The following PTPRG variants were observed in gnomAD, a reference collection of about 807,000 sequenced individuals.
PTPRG encodes receptor-type tyrosine-protein phosphatase gamma.
A neutral mutation model predicts 165.3 loss-of-function variants in PTPRG; 102 were observed. The observed-to-expected ratio is 0.62, with a 90% confidence interval of 0.53 to 0.73. The LOEUF (loss-of-function observed/expected upper bound fraction) is 0.73. PTPRG is among the 30% of genes least tolerant of loss of function. The pLI is 0.00. For synonymous variants in PTPRG, 675 were observed against 669.5 expected, an observed-to-expected ratio of 1.01 and a Z score of -0.13; for missense variants, 1,866 against 1,861.4, an observed-to-expected ratio of 1.00 and a Z score of -0.05.
chr3:61,874,575 C>G (rs181367399), intron 2 of PTPRG, among the ~76,000 whole-genome samples: 1 of 151,820 alleles, frequency 6.6e-6, no homozygotes, highest in Non-Finnish European at 1.5e-5. Context: ...AGAAATTGAT[C>G]TAGGACAGAG....
chr3:61,851,019 C>T lies in PTPRG; in HGVS notation c.190+102037C>T, dbSNP rs145059378. On this transcript the variant is annotated intron_variant, in intron 2 of 29. Coordinates refer to ENST00000474889, the MANE Select transcript of PTPRG (RefSeq NM_002841.4). ...TTAGGTAAGATTCTTAGAATGTTAA[C>T]GGTAACTCTCCCTCTTTTTGCCTGT... 2.8e-3 allele frequency among the ~76,000 whole-genome samples: 420 copies of T among 152,328 alleles called. 1 individual carries two copies. Among genetic ancestry groups the T allele is most frequent in the African/African-American group, 6.8e-3 (284 of 41,578 alleles).
intron 6 of PTPRG, among the ~76,000 whole-genome samples, chr3:62,141,215 T>A (rs1703913575): frequency 6.6e-6 from 1 of 152,096 alleles, no homozygotes; most frequent in African/African-American, 2.4e-5. Flanking sequence ...ACTGATATGA[T>A]CACTCTTTAG....
intron 6 of PTPRG, among the ~76,000 whole-genome samples, chr3:62,138,782 G>A (rs574470700): frequency 1.3e-4 from 19 of 150,522 alleles, no homozygotes; most frequent in East Asian, 7.9e-4. Context: ...TCGTCCTTTC[G>A]GCTAAGATCG....
chr3:62,013,018 A>C (rs1468555605), intron 4 of PTPRG, among the ~76,000 whole-genome samples: 1 of 152,184 alleles, frequency 6.6e-6, no homozygotes, highest in African/African-American at 2.4e-5. Flanking sequence ...TTAAATTTTC[A>C]GAAGCCTCCT....
At chr3:61,775,940 G>A (rs532333537) in intron 2 of PTPRG, among the ~76,000 whole-genome samples, 3 of 150,046 alleles carry the variant, frequency 2.0e-5, no homozygotes, top group Admixed American at 6.7e-5. Context: ...GGTAGGGGGA[G>A]GGGGGAGGGA....
At chr3:61,668,546 G>A (rs553998774) in intron 1 of PTPRG, among the ~76,000 whole-genome samples, 1 of 152,296 alleles carries the variant, frequency 6.6e-6, no homozygotes, top group South Asian at 2.1e-4. Flanking sequence ...TTATAACACA[G>A]CAACTCAAGG....
At chr3:62,200,295 A>G (rs1165330490) in intron 10 of PTPRG, among the ~76,000 whole-genome samples, 1 of 151,776 alleles carries the variant, frequency 6.6e-6, no homozygotes, top group Non-Finnish European at 1.5e-5. Flanking sequence ...TTTTTGAGAC[A>G]AAGTCTTGCT....
At chr3:61,998,784 A>G (rs1363926737) in intron 3 of PTPRG, among the ~76,000 whole-genome samples, 1 of 152,220 alleles carries the variant, frequency 6.6e-6, no homozygotes, top group Non-Finnish European at 1.5e-5. Flanking sequence ...AATCACAGCA[A>G]GGATAGTTCT....
chr3:61,767,280 AT>A (rs139522785), intron 2 of PTPRG, among the ~76,000 whole-genome samples: 8 of 145,462 alleles, frequency 5.5e-5, no homozygotes, highest in African/African-American at 1.3e-4. Context: ...ATCAAACTCC[AT>A]TTTTTTAACT....
chr3:61,896,139 C>G (rs1424309974), intron 2 of PTPRG, among the ~76,000 whole-genome samples: 1 of 151,966 alleles, frequency 6.6e-6, no homozygotes, highest in Admixed American at 6.6e-5. Flanking sequence ...ATCCACTATC[C>G]CAGTCAAGAT....
At chr3:62,289,462 G>C (rs1444159037) in intron 28 of PTPRG, among the ~76,000 whole-genome samples, 1 of 152,050 alleles carries the variant, frequency 6.6e-6, no homozygotes, top group Non-Finnish European at 1.5e-5. Context: ...AAATGTATAG[G>C]CCAAGTCTTG....
chr3:61,985,563 G>T (rs894558524), intron 2 of PTPRG, among the ~76,000 whole-genome samples: 3 of 152,180 alleles, frequency 2.0e-5, no homozygotes, highest in Non-Finnish European at 4.4e-5. Flanking sequence ...CAGAGGAGGG[G>T]CTGTGAGCCA....
At chr3:62,289,698 T>TCCCC (rs555266393) in intron 28 of PTPRG, among the ~76,000 whole-genome samples, 1 of 108,308 alleles carries the variant, frequency 9.2e-6, no homozygotes, top group Admixed American at 9.8e-5. Context: ...CCATTCATGA[T>TCCCC]CCCCCCCCCC....
chr3:62,244,281 G>C (rs1241159897), intron 15 of PTPRG, among the ~76,000 whole-genome samples: 1 of 152,204 alleles, frequency 6.6e-6, no homozygotes, highest in Non-Finnish European at 1.5e-5. Flanking sequence ...TACGATGGTT[G>C]TGTGGAAATA....
chr3:61,832,024 C>T (rs1354653638), intron 2 of PTPRG, among the ~76,000 whole-genome samples: 1 of 152,084 alleles, frequency 6.6e-6, no homozygotes, highest in East Asian at 1.9e-4. Context: ...TTCATTTATA[C>T]ATGGATTTAT....
Position 62,180,625 on chromosome 3 carries a change from A to G in PTPRG, c.1034-10844A>G, listed in dbSNP as rs1705608597. The stretch of plus-strand genomic sequence containing the variant: ...ATGTACCCCAGGGTACATGGAATCC[A>G]GCCTTCCACCCAGCGTCCAAGATGC... On this transcript the variant is annotated intron_variant, in intron 8 of 29. Transcript: ENST00000474889. Among the ~76,000 whole-genome samples, 2 of 152,230 alleles carry G rather than the reference A, an allele frequency of 1.3e-5. 1 individual carries two copies. The highest frequency in any genetic ancestry group is 2.9e-5 in the Non-Finnish European group (2 of 68,048).
At chr3:62,022,000 T>C (rs1284642113) in intron 4 of PTPRG, among the ~76,000 whole-genome samples, 2 of 152,118 alleles carry the variant, frequency 1.3e-5, no homozygotes, top group Non-Finnish European at 2.9e-5. Context: ...ATTTGTCTTT[T>C]ACTTTCCAAT....
chr3:61,990,816 G>A (rs568869730), intron 3 of PTPRG, among the ~76,000 whole-genome samples: 22 of 151,694 alleles, frequency 1.5e-4, no homozygotes, highest in African/African-American at 4.8e-4. Flanking sequence ...CAGGAGCCTT[G>A]GCTGTCAGAG....
intron 5 of PTPRG, among the ~76,000 whole-genome samples, chr3:62,121,750 T>A (rs746332166): frequency 4.6e-5 from 7 of 152,186 alleles, no homozygotes; most frequent in Non-Finnish European, 1.0e-4. Flanking sequence ...AATTGAAAGA[T>A]CCTGAGCACA....
Sources: gnomAD v4.1 joint callset for allele counts (sites outside exome capture counted in the v4.1 genomes callset) on GRCh38, gnomAD v4.1.1 for gene constraint, MANE v1.5 for transcripts, NCBI Gene and HGNC (gene_info 2026-07-23, HGNC 2026-07-21) for gene names.